Variants in KCNQ1 observed in about 807,000 individuals in gnomAD.
The protein encoded by KCNQ1 is potassium voltage-gated channel subfamily Q member 1, also known as potassium voltage-gated channel subfamily KQT member 1.
In KCNQ1, 49 loss-of-function variants were observed where a neutral mutation model predicts 72.4. The observed-to-expected ratio is 0.68, with a 90% CI of 0.54 to 0.86. The LOEUF (loss-of-function observed/expected upper bound fraction) is 0.86. Ranked by LOEUF, KCNQ1 falls within the 40% of genes least tolerant of loss-of-function variation. KCNQ1 has a pLI of 0.00. For missense variants in KCNQ1, 790 were observed against 945.1 expected, an observed-to-expected ratio of 0.84 and a Z score of 2.15; for synonymous variants, 450 against 412.6, an observed-to-expected ratio of 1.09 and a Z score of -1.10.
At position 2,474,954 on chromosome 11, in the gene KCNQ1, C is replaced by T. The variant is rs183428463; in HGVS notation, c.386+29470C>T. 2.6e-4 allele frequency among the ~76,000 whole-genome samples: 40 copies of T among 152,212 alleles called. 1 individual carries two copies. Among genetic ancestry groups the T allele is most frequent in the Middle Eastern group, 6.8e-3 (2 of 294 alleles). On this transcript the variant is annotated intron_variant, in intron 1 of 15. Coordinates refer to ENST00000155840, the MANE Select transcript of KCNQ1 (RefSeq NM_000218.3). ...GCAGAGCCAGATGGGAACCAGGCGT[C>T]GACTTCAGAGCTGACCTTTGTGCAT... is the stretch of plus-strand genomic sequence containing the variant.
rs1200012290 is a variant in KCNQ1, at chr11:2,813,093, G to A, written c.1795-34674G>A. Among the ~76,000 whole-genome samples the A allele has an allele frequency of 1.3e-5, 2 of 152,232 alleles. No homozygotes were observed. The highest frequency in any genetic ancestry group is 2.9e-5 in the Non-Finnish European group (2 of 68,044). The stretch of plus-strand genomic sequence containing the variant: ...AGAGCTGGCCAGCACCATCTCTCCT[G>A]TGAGAACCCTGTGCCTAGAACGGAG... On this transcript the variant is annotated intron_variant, in intron 15 of 15. Transcript: ENST00000155840. The surrounding 1 kb of genome is among the most constrained non-coding windows in gnomAD (Gnocchi z 4.4).
intron 15 of KCNQ1, among the ~76,000 whole-genome samples, chr11:2,804,146 G>T (rs1847329830): frequency 6.6e-6 from 1 of 152,144 alleles, no homozygotes; most frequent in Non-Finnish European, 1.5e-5. Flanking sequence ...AGAAGATACA[G>T]AGGCAGCAAT....
chr11:2,632,283 T>G, intron 10 of KCNQ1: 1 of 398,550 alleles, frequency 2.5e-6, no homozygotes, highest in Non-Finnish European at 4.4e-6. Flanking sequence ...TGTGGTGAGT[T>G]TTCAGGGATT....
In KCNQ1 at chr11:2,617,960, A is replaced by C; in HGVS notation, c.1393+29106A>C. The C allele has an allele frequency of 2.5e-6, 1 of 398,522 alleles. No individual in the cohort carries two copies. The highest frequency in any genetic ancestry group is 4.4e-6 in the Non-Finnish European group (1 of 226,030). 24.7% of individuals were successfully genotyped at this position (398,522 alleles called of 1,614,324 possible). A position where few individuals can be genotyped will look rare whatever the true frequency, so the allele number is the denominator to read the frequency against. On this transcript the variant is annotated intron_variant, in intron 10 of 15. Transcript: ENST00000155840. The surrounding 1 kb of genome is among the most constrained non-coding windows in gnomAD (Gnocchi z 4.6). ...CCTCTTATAAGATATATGGTTGGCA[A>C]ATATTTTCTTCTAGTCCATAGGTTG...
At chr11:2,589,683 C>G (rs865997316) in intron 10 of KCNQ1, among the ~76,000 whole-genome samples, 2 of 152,104 alleles carry the variant, frequency 1.3e-5, no homozygotes, top group Admixed American at 6.5e-5. Flanking sequence ...CTGGTTGTGG[C>G]CCCCCCATGC....
At chr11:2,806,167 T>C (rs1436665554) in intron 15 of KCNQ1, among the ~76,000 whole-genome samples, 1 of 152,214 alleles carries the variant, frequency 6.6e-6, no homozygotes, top group African/African-American at 2.4e-5. Flanking sequence ...GAAACGTGTC[T>C]CTGGAGGGTG....
rs1031049317 is a variant in KCNQ1 at position 2,483,484 on chromosome 11, A to G, written c.386+38000A>G. The stretch of plus-strand genomic sequence containing the variant: ...GATTCAAATCCCGCGTTTTTCTAGC[A>G]TCCGGTTTCTGTTCTGTGATCCCCA... On this transcript the variant is annotated intron_variant, in intron 1 of 15. Transcript: ENST00000155840. This position sits in a 1 kb window ranked among gnomAD's most constrained non-coding sequence, Gnocchi z 6.1. Among the ~76,000 whole-genome samples the G allele has an allele frequency of 5.3e-5, 8 of 152,270 alleles. No homozygotes were observed. The highest frequency in any genetic ancestry group is 3.3e-4 in the Admixed American group (5 of 15,290).
Position 2,450,751 on chromosome 11 carries a change from G to T in KCNQ1, c.386+5267G>T, listed in dbSNP as rs983411938. Among the ~76,000 whole-genome samples the T allele has an allele frequency of 2.4e-4, 37 of 152,150 alleles. No individual in the cohort carries two copies. Among genetic ancestry groups the T allele is most frequent in the Non-Finnish European group, 1.3e-4 (9 of 68,020 alleles). ...ATTATCGTGGTTGACAAAGGGAGGC[G>T]GCTGGTGTCTCTGGTACTGGCTGGG... On this transcript the variant is annotated intron_variant, in intron 1 of 15. Transcript: ENST00000155840. This position sits in a 1 kb window ranked among gnomAD's most constrained non-coding sequence, Gnocchi z 7.9.
At chr11:2,807,637 G>A (rs1319026939) in intron 15 of KCNQ1, among the ~76,000 whole-genome samples, 2 of 152,110 alleles carry the variant, frequency 1.3e-5, no homozygotes, top group East Asian at 1.9e-4. Flanking sequence ...GACAGCCGGC[G>A]GTGGGCACAG....
At chr11:2,555,054 C>G (rs1037647083) in intron 2 of KCNQ1, among the ~76,000 whole-genome samples, 4 of 152,208 alleles carry the variant, frequency 2.6e-5, no homozygotes, top group Admixed American at 2.6e-4. Context: ...AACCGCAGGC[C>G]TTCCTGTCCC....
rs1204025808 is a variant in KCNQ1, at chr11:2,782,804, TC to T, written c.1794+4768del. ...TTCTCAATATTATTTATTTGTGCCT[TC>T]ACTGTTTTCCCCCTTAGTGGTCAAA... On this transcript the variant is annotated intron_variant, in intron 15 of 15. Coordinates refer to ENST00000155840, the MANE Select transcript of KCNQ1 (RefSeq NM_000218.3). The surrounding 1 kb of genome is among the most constrained non-coding windows in gnomAD (Gnocchi z 6.1). Among the ~76,000 whole-genome samples the T allele has an allele frequency of 6.6e-6, 1 of 152,222 alleles. No individual in the cohort carries two copies. Among genetic ancestry groups the T allele is most frequent in the Non-Finnish European group, 1.5e-5 (1 of 68,028 alleles).
At chr11:2,609,443 T>C (rs1025158609) in intron 10 of KCNQ1, 1 of 398,336 alleles carries the variant, frequency 2.5e-6, no homozygotes, top group African/African-American at 2.1e-5. Flanking sequence ...ACTTAGCATA[T>C]GGTCCTTCTT....
chr11:2,792,499 T>C (rs1199845468), intron 15 of KCNQ1, among the ~76,000 whole-genome samples: 1 of 152,132 alleles, frequency 6.6e-6, no homozygotes, highest in Non-Finnish European at 1.5e-5. Context: ...AGAGAAACTC[T>C]CTCCCTCAGG....
rs1441010955 is a variant in KCNQ1 at position 2,564,066 on chromosome 11, C to G, written c.478-6562C>G. On this transcript the variant is annotated intron_variant, in intron 2 of 15. Coordinates refer to ENST00000155840, the MANE Select transcript of KCNQ1 (RefSeq NM_000218.3). The surrounding 1 kb of genome is among the most constrained non-coding windows in gnomAD (Gnocchi z 4.5). ...GCAACCGCCACGGGCCAGGGCCCCT[C>G]GAGGCACTCATTTCAGTATCAGAGA... 6.6e-6 allele frequency among the ~76,000 whole-genome samples: 1 copy of G among 152,210 alleles called. No individual in the cohort carries two copies. The highest frequency in any genetic ancestry group is 1.5e-5 in the Non-Finnish European group (1 of 68,044).
At chr11:2,551,470 A>G (rs1401888163) in intron 2 of KCNQ1, among the ~76,000 whole-genome samples, 1 of 152,246 alleles carries the variant, frequency 6.6e-6, no homozygotes, top group Non-Finnish European at 1.5e-5. Context: ...GAAAGGATAA[A>G]ATGTACCACA....
chr11:2,650,852 T>C lies in KCNQ1; in HGVS notation c.1394-11109T>C, dbSNP rs1849746018. 7.5e-6 allele frequency: 3 copies of C among 398,542 alleles called. No homozygotes were observed. In the South Asian group the frequency reaches 3.8e-4, roughly 51 times the overall value. 24.7% of individuals were successfully genotyped at this position (398,542 alleles called of 1,614,324 possible). A position where few individuals can be genotyped will look rare whatever the true frequency, so the allele number is the denominator to read the frequency against. On this transcript the variant is annotated intron_variant, in intron 10 of 15. Coordinates refer to ENST00000155840, the MANE Select transcript of KCNQ1 (RefSeq NM_000218.3). The stretch of plus-strand genomic sequence containing the variant: ...CTGATTTTATGCTTTTAGGGGAGGA[T>C]GAGTGAGATGATTTATAGTCAGAGG...
intron 10 of KCNQ1, chr11:2,616,722 G>T (rs1009203195): frequency 1.0e-5 from 4 of 397,950 alleles, no homozygotes; most frequent in African/African-American, 8.2e-5. Context: ...ACAGATTTCT[G>T]GCCTCACTAT....
At position 2,813,850 on chromosome 11, in the gene KCNQ1, C is replaced by T. The variant is rs121256; in HGVS notation, c.1795-33917C>T. 0.76 allele frequency among the ~76,000 whole-genome samples: 115,831 copies of T among 151,780 alleles called. 44,623 individuals are homozygous for T. The highest frequency in any genetic ancestry group is 0.97 in the East Asian group (4,968 of 5,130). On this transcript the variant is annotated intron_variant, in intron 15 of 15. Coordinates refer to ENST00000155840, the MANE Select transcript of KCNQ1 (RefSeq NM_000218.3). This position sits in a 1 kb window ranked among gnomAD's most constrained non-coding sequence, Gnocchi z 4.4. ...AGTGGCGGATGAGTAGGTAGATGGA[C>T]GGGGAGCTGCAGGGAGGGAGGGTTG...
chr11:2,672,207 A>C (rs1850195989), intron 11 of KCNQ1: 1 of 398,440 alleles, frequency 2.5e-6, no homozygotes. Context: ...TGTTAAGTTA[A>C]ATTGAATTCC....
Sources: gnomAD v4.1 joint callset for allele counts (sites outside exome capture counted in the v4.1 genomes callset) on GRCh38, gnomAD v4.1.1 for gene constraint, Gnocchi (gnomAD v3.1) non-coding constraint, MANE v1.5 for transcripts, NCBI Gene and HGNC (gene_info 2026-07-23, HGNC 2026-07-21) for gene names.